The following LAMA3 variants were observed in gnomAD, a reference collection of about 807,000 sequenced individuals.
LAMA3 encodes laminin subunit alpha 3, also known as laminin subunit alpha-3.
In LAMA3, 281 loss-of-function variants were observed where a neutral mutation model predicts 402.0. The observed-to-expected ratio is 0.70, with a 90% confidence interval of 0.63 to 0.77. The LOEUF is 0.77. Among genes scored for constraint, LAMA3 ranks in the 30% least tolerant of loss-of-function variants. LAMA3 has a pLI of 0.00. For missense variants in LAMA3, 3,840 were observed against 4,215.5 expected (o/e 0.91, Z 2.47); for synonymous variants, 1,431 against 1,558.4 (o/e 0.92, Z 1.93).
At chr18:23,895,121 A>C in intron 44 of LAMA3, 63 bp downstream of exon 44, 1 of 1,525,184 alleles carries the variant, frequency 6.6e-7, no homozygotes, top group Non-Finnish European at 8.8e-7. Context: ...TGGATTCTCC[A>C]TAAGCAGGAA....
intron 11 of LAMA3, among the ~76,000 whole-genome samples, chr18:23,783,799 A>C (rs1290552561): frequency 6.6e-6 from 1 of 152,158 alleles, no homozygotes; most frequent in Non-Finnish European, 1.5e-5. Context: ...AATGGTTTGC[A>C]AATGAATGCC....
At chr18:23,926,833 C>T (rs1279444845) in intron 62 of LAMA3, among the ~76,000 whole-genome samples, 2 of 152,236 alleles carry the variant, frequency 1.3e-5, no homozygotes, top group African/African-American at 4.8e-5. Flanking sequence ...AAATTGCTCT[C>T]ATTATATAAG....
At chr18:23,829,957 A>G (rs1375537508) in intron 23 of LAMA3, among the ~76,000 whole-genome samples, 1 of 152,158 alleles carries the variant, frequency 6.6e-6, no homozygotes, top group African/African-American at 2.4e-5. Flanking sequence ...AAATTTGAAC[A>G]TCCTTGTCTT....
Position 23,689,507 on chromosome 18 carries a change from G to C in LAMA3, c.-177G>C, listed in dbSNP as rs1361432564. The C allele has an allele frequency of 2.0e-6, 1 of 502,762 alleles. No individual in the cohort carries two copies. Among genetic ancestry groups the C allele is most frequent in the Non-Finnish European group, 3.0e-6 (1 of 329,118 alleles). The allele number at this position is 502,762 out of a possible 1,614,324, so 31.1% of individuals were successfully genotyped here. On this transcript the variant is annotated 5_prime_UTR_variant, in exon 1 of 75. Transcript: ENST00000313654. ...GCCGCGGCAGGTTCCAGAGCTGAGA[G>C]GCCACCCCCACGCCGCGGGCTTCCA...
chr18:23,852,748 A>C (rs1017361421), intron 32 of LAMA3, among the ~76,000 whole-genome samples: 1 of 152,164 alleles, frequency 6.6e-6, no homozygotes, highest in African/African-American at 2.4e-5. Flanking sequence ...ATAAAGACCA[A>C]CTTTCCGTGA....
chr18:23,898,271 A>ATATGAG (rs1298109629), intron 44 of LAMA3: 1 of 171,878 alleles, frequency 5.8e-6, no homozygotes, highest in Non-Finnish European at 1.2e-5. Flanking sequence ...CTCAGTTGCA[A>ATATGAG]TATGAGGCTG....
Position 23,847,517 on chromosome 18 carries a change from C to T in LAMA3, c.3985C>T (p.Pro1329Ser). Residue 1329 changes from proline (P) to serine (S), a missense_variant, in exon 32 of 75, where the codon CCT (proline) becomes TCT (serine). This residue lies in a region of LAMA3 where 2,109 missense variants were observed against 2,376.0 expected (regional missense o/e 0.89). Transcript: ENST00000313654. ...CEEMTGQCRC[P>S]PRTVRPQCEV... ...AGAGATGACGGGGCAGTGCCGCTGC[C>T]CTCCCCGCACGGTCAGGCCCCAGTG... The T allele has an allele frequency of 5.0e-6, 8 of 1,613,960 alleles. No homozygotes were observed. The highest frequency in any genetic ancestry group is 6.8e-6 in the Non-Finnish European group (8 of 1,180,048).
intron 14 of LAMA3, among the ~76,000 whole-genome samples, chr18:23,813,321 C>A (rs1210737219): frequency 2.0e-5 from 3 of 151,724 alleles, no homozygotes; most frequent in African/African-American, 7.3e-5. Context: ...ACTCTGGAGT[C>A]CTAGAGTTTA....
intron 33 of LAMA3, 62 bp downstream of exon 33, chr18:23,858,050 G>A: frequency 6.3e-7 from 1 of 1,597,212 alleles, no homozygotes; most frequent in South Asian, 1.1e-5. Context: ...GCTTCATGTT[G>A]AGTCAACATA....
Position 23,939,375 on chromosome 18 carries a change from G to A in LAMA3, c.9015G>A (p.Leu3005=). 1 of 1,614,150 alleles carries A rather than the reference G, an allele frequency of 6.2e-7. No individual in the cohort carries two copies. Among genetic ancestry groups the A allele is most frequent in the Non-Finnish European group, 8.5e-7 (1 of 1,180,006 alleles). The part of the protein sequence containing the change: ...SHLLFKLPQE[L]LKPRSQFAVD... ...TGCTATTCAAGCTTCCTCAGGAGCT[G>A]CTGAAACCCAGGTATTATTTAGCTT... The change falls in exon 68 of 75, where the codon CTG becomes CTA. Residue 3005 remains leucine, a synonymous_variant. Coordinates refer to ENST00000313654, the MANE Select transcript of LAMA3 (RefSeq NM_198129.4).
chr18:23,833,728 C>A, intron 23 of LAMA3, 100 bp from the exon 24 acceptor site: 1 of 1,315,912 alleles, frequency 7.6e-7, no homozygotes, highest in Non-Finnish European at 1.1e-6. Context: ...AAAATACTTC[C>A]AGGGTGTCTT....
At chr18:23,810,298 G>C in intron 12 of LAMA3, 68 bp from the exon 13 acceptor site, 3 of 1,586,318 alleles carry the variant, frequency 1.9e-6, no homozygotes, top group Non-Finnish European at 2.6e-6. Context: ...GCTCTGCTCC[G>C]GGACGTGGTT....
intron 46 of LAMA3, 96 bp from the exon 47 acceptor site, chr18:23,899,191 TA>T: frequency 7.7e-7 from 1 of 1,298,582 alleles, no homozygotes; most frequent in Non-Finnish European, 1.1e-6. Context: ...AAAAAACTAA[TA>T]TAAAATCTCC....
At chr18:23,910,789 G>T (rs556576882) in intron 55 of LAMA3, among the ~76,000 whole-genome samples, 2 of 152,068 alleles carry the variant, frequency 1.3e-5, no homozygotes, top group African/African-American at 4.8e-5. Context: ...ATCCAAACAC[G>T]TAGTGCCCAG....
intron 1 of LAMA3, among the ~76,000 whole-genome samples, chr18:23,697,451 G>A (rs552255863): frequency 6.6e-6 from 1 of 152,210 alleles, no homozygotes; most frequent in Non-Finnish European, 1.5e-5. Flanking sequence ...CCTCTATTCT[G>A]GGGGCTCCCT....
chr18:23,733,643 T>C lies in LAMA3; in HGVS notation c.448-14300T>C, dbSNP rs550326465. Among the ~76,000 whole-genome samples the C allele has an allele frequency of 1.2e-3, 180 of 152,342 alleles. No homozygotes were observed. The South Asian group carries it at 0.018, about 15-fold the overall frequency. Reference sequence around the variant, plus strand: ...GGAAGGTTTCGCAAAGAAGGAGCTTTTCCATTTGTCTTTAGAAGATAAATC... The same window carrying C: ...GGAAGGTTTCGCAAAGAAGGAGCTTCTCCATTTGTCTTTAGAAGATAAATC... On this transcript the variant is annotated intron_variant, in intron 2 of 74. Coordinates refer to ENST00000313654, the MANE Select transcript of LAMA3 (RefSeq NM_198129.4).
At chr18:23,729,122 A>ATGTGTG (rs72333694) in intron 2 of LAMA3, among the ~76,000 whole-genome samples, 1 of 146,972 alleles carries the variant, frequency 6.8e-6, no homozygotes. Flanking sequence ...TTGTGTGTGT[A>ATGTGTG]TGTGTGTGTG....
rs2145124524 is a variant in LAMA3 at position 23,901,233 on chromosome 18, C to T, written c.6111C>T (p.Asp2037=). 5 of 1,614,078 alleles carry T rather than the reference C, an allele frequency of 3.1e-6. No individual in the cohort carries two copies. The highest frequency in any genetic ancestry group is 4.2e-6 in the Non-Finnish European group (5 of 1,179,922). Residue 2037 remains aspartate, a synonymous_variant, in exon 48 of 75, where the codon GAC becomes GAT. Coordinates refer to ENST00000313654, the MANE Select transcript of LAMA3 (RefSeq NM_198129.4). ...ATGAATACGAAGCCAAACTCAGTGACCTTCGTGCTCGGCTGCAGGAGGCAG... is the reference window on the plus strand; with the variant it reads ...ATGAATACGAAGCCAAACTCAGTGATCTTCGTGCTCGGCTGCAGGAGGCAG... ...SLNEYEAKLS[D]LRARLQEAAA...
chr18:23,814,762 T>C (rs911280727), intron 15 of LAMA3, among the ~76,000 whole-genome samples: 2 of 152,266 alleles, frequency 1.3e-5, no homozygotes, highest in African/African-American at 4.8e-5. Context: ...TTTATGTCCT[T>C]GTTTTTATAA....
Sources: gnomAD v4.1 joint callset for allele counts (sites outside exome capture counted in the v4.1 genomes callset) on GRCh38, gnomAD v4.1.1 for gene constraint, gnomAD v4.1.1 regional missense constraint, MANE v1.5 for transcripts, NCBI Gene and HGNC (gene_info 2026-07-23, HGNC 2026-07-21) for gene names.